STK4: variants seen among roughly 807,000 people sequenced by gnomAD.
STK4 encodes the protein serine/threonine kinase 4.
STK4 carries 30 observed loss-of-function variants against 64.9 expected under a neutral mutation model. That is an observed-to-expected ratio of 0.46 (90% CI 0.35 to 0.63). The LOEUF (loss-of-function observed/expected upper bound fraction) is 0.63, where lower values mean the gene tolerates loss of function less well. STK4 is among the 20% of genes least tolerant of loss of function. STK4 has a pLI of 0.01. For synonymous variants in STK4, 177 were observed against 199.0 expected (o/e 0.89, Z 0.93); for missense variants, 466 against 598.5 (o/e 0.78, Z 2.31).
chr20:45,053,852 T>C (rs1978308757), intron 10 of STK4, among the ~76,000 whole-genome samples: 1 of 152,206 alleles, frequency 6.6e-6, no homozygotes, highest in Admixed American at 6.5e-5. Context: ...AAGTTGGAAG[T>C]AGTTCAAATC....
At chr20:44,980,885 G>A (rs2067426118) in intron 3 of STK4, among the ~76,000 whole-genome samples, 1 of 152,048 alleles carries the variant, frequency 6.6e-6, no homozygotes, top group Non-Finnish European at 1.5e-5. Context: ...AGCCAGGATG[G>A]TCTCGATCTC....
chr20:45,075,362 G>A lies in STK4; in HGVS notation c.*186G>A, dbSNP rs111342768. 5.0e-5 allele frequency: 34 copies of A among 676,576 alleles called. No homozygotes were observed. The highest frequency in any genetic ancestry group is 3.6e-5 in the African/African-American group (2 of 55,230). 41.9% of individuals were successfully genotyped at this position (676,576 alleles called of 1,614,324 possible). A position where few individuals can be genotyped will look rare whatever the true frequency, so the allele number is the denominator to read the frequency against. On this transcript the variant is annotated 3_prime_UTR_variant, in exon 11 of 11. Coordinates refer to ENST00000372806, the MANE Select transcript of STK4 (RefSeq NM_006282.5). ...CAGCGTGCCATCTTGATGTGTGTAT[G>A]TACATTGGTCAGGTATATTATCTCA...
rs375077561 is a variant in STK4, at chr20:45,063,783, A to AG, written c.1306-11227dup. 8.9e-3 allele frequency among the ~76,000 whole-genome samples: 1,355 copies of AG among 151,548 alleles called. 77 individuals are homozygous for AG. The East Asian group carries it at 0.15, about 17-fold the overall frequency. The stretch of plus-strand genomic sequence containing the variant: ...TTGATTTTTGTGTATGATATAAGGA[A>AG]GGGGGGGGTCCAGTGTTTTTATTTA... On this transcript the variant is annotated intron_variant, in intron 10 of 10. Transcript: ENST00000372806.
intron 4 of STK4, among the ~76,000 whole-genome samples, chr20:44,982,475 A>G (rs770614853): frequency 2.0e-5 from 3 of 151,842 alleles, no homozygotes; most frequent in Non-Finnish European, 2.9e-5. Flanking sequence ...AGTGATTTTT[A>G]GCATGCTTTG....
intron 10 of STK4, among the ~76,000 whole-genome samples, chr20:45,057,694 A>C (rs1395436803): frequency 6.6e-6 from 1 of 152,182 alleles, no homozygotes; most frequent in Admixed American, 6.5e-5. Flanking sequence ...ATTTTAAAGA[A>C]CGGTTTTATA....
chr20:45,074,618 C>T (rs957042265), intron 10 of STK4, among the ~76,000 whole-genome samples: 1 of 152,062 alleles, frequency 6.6e-6, no homozygotes, highest in Non-Finnish European at 1.5e-5. Context: ...CAGATAGACG[C>T]TTATCTCGTA....
intron 5 of STK4, among the ~76,000 whole-genome samples, chr20:44,992,267 A>AT (rs35534980): frequency 0.26 from 38,183 of 148,078 alleles, 5,513 homozygotes; most frequent in Middle Eastern, 0.43. Context: ...ATTTTATTTT[A>AT]TTTTTTTTTG....
At position 44,966,597 on chromosome 20, in the gene STK4, C is replaced by T. The variant is rs1203443460; in HGVS notation, c.29C>T (p.Pro10Leu). The change falls in exon 1 of 11, where the codon CCG becomes CTG. Residue 10 changes from proline to leucine, a missense_variant. Pro to Leu is a moderately conservative substitution (Grantham distance 98). This residue lies in a region of STK4 where 190 missense variants were observed against 289.7 expected (regional missense o/e 0.66). Coordinates refer to ENST00000372806, the MANE Select transcript of STK4 (RefSeq NM_006282.5). METVQLRNP[P>L]RRQLKKLDED... ...GAGACGGTACAGCTGAGGAACCCGC[C>T]GCGCCGGTGAGGGGCCACTGGCTAA... 2.4e-6 allele frequency: 3 copies of T among 1,273,118 alleles called. No individual in the cohort carries two copies. The highest frequency in any genetic ancestry group is 3.1e-5 in the South Asian group (1 of 31,912). The allele number at this position is 1,273,118 out of a possible 1,614,324, so 78.9% of individuals were successfully genotyped here.
intron 5 of STK4, among the ~76,000 whole-genome samples, chr20:44,990,554 T>C (rs2067614258): frequency 6.6e-6 from 1 of 152,210 alleles, no homozygotes; most frequent in South Asian, 2.1e-4. Context: ...TTTAGGCCCC[T>C]CTCCGGTCTC....
intron 9 of STK4, among the ~76,000 whole-genome samples, chr20:45,008,214 C>A (rs1181947450): frequency 6.6e-6 from 1 of 152,150 alleles, no homozygotes; most frequent in African/African-American, 2.4e-5. Flanking sequence ...ACCACCACAC[C>A]AGGCTAATTT....
chr20:45,077,189 A>T lies in STK4; in HGVS notation c.*2013A>T, dbSNP rs1231326549. 1 of 152,200 alleles carries T rather than the reference A, an allele frequency of 6.6e-6. No individual in the cohort carries two copies. The highest frequency in any genetic ancestry group is 1.9e-4 in the East Asian group (1 of 5,198). 9.4% of individuals were successfully genotyped at this position (152,200 alleles called of 1,614,324 possible). A position where few individuals can be genotyped will look rare whatever the true frequency, so the allele number is the denominator to read the frequency against. On this transcript the variant is annotated 3_prime_UTR_variant, in exon 11 of 11. Coordinates refer to ENST00000372806, the MANE Select transcript of STK4 (RefSeq NM_006282.5). The stretch of plus-strand genomic sequence containing the variant: ...CACTATAGGGGGTCAATATTTACAC[A>T]AAAAAGGAAAGTCACAAGCCTGTTT...
intron 10 of STK4, among the ~76,000 whole-genome samples, chr20:45,044,494 G>C (rs1186033609): frequency 6.6e-6 from 1 of 151,840 alleles, no homozygotes; most frequent in Non-Finnish European, 1.5e-5. Context: ...AAAAATAAAA[G>C]CACATTTTAA....
At position 45,038,367 on chromosome 20, in the gene STK4, T is replaced by G. The variant is rs1308455829; in HGVS notation, c.1305+13237T>G. On this transcript the variant is annotated intron_variant, in intron 10 of 10. Coordinates refer to ENST00000372806, the MANE Select transcript of STK4 (RefSeq NM_006282.5). Reference sequence around the variant, plus strand: ...CTTTTACAAATTAGGAGTAATAAATTTCCTTAATGCCAAAAAATGCCTTGT... The same window carrying G: ...CTTTTACAAATTAGGAGTAATAAATGTCCTTAATGCCAAAAAATGCCTTGT... Among the ~76,000 whole-genome samples, 5 of 152,060 alleles carry G rather than the reference T, an allele frequency of 3.3e-5. No homozygotes were observed. The South Asian group carries it at 6.2e-4, about 19-fold the overall frequency.
chr20:45,021,536 T>G (rs1330555538), intron 9 of STK4, among the ~76,000 whole-genome samples: 1 of 152,346 alleles, frequency 6.6e-6, no homozygotes, highest in South Asian at 2.1e-4. Context: ...TGTCTGCTGT[T>G]TCTTGCCAGT....
Position 45,019,988 on chromosome 20 carries a change from G to T in STK4, c.1148-4985G>T, listed in dbSNP as rs561574168. Among the ~76,000 whole-genome samples, 6 of 152,214 alleles carry T rather than the reference G, an allele frequency of 3.9e-5. No homozygotes were observed. In the East Asian group the frequency reaches 1.2e-3, roughly 29 times the overall value. Reference sequence around the variant, plus strand: ...AAAATTACATTTCCCCACTCTTTCTGCACTTAGTTTAATGGCAGTTCTAAC... The same window carrying T: ...AAAATTACATTTCCCCACTCTTTCTTCACTTAGTTTAATGGCAGTTCTAAC... On this transcript the variant is annotated intron_variant, in intron 9 of 10. Coordinates refer to ENST00000372806, the MANE Select transcript of STK4 (RefSeq NM_006282.5).
Position 44,982,031 on chromosome 20 carries a change from A to G in STK4, c.360+88A>G, listed in dbSNP as rs1318811136. On this transcript the variant is annotated intron_variant, in intron 4 of 10. Transcript: ENST00000372806. ...CTCTTTTTCAGGGCATTCTCCTACT[A>G]GAGAGACGACTGTCAGATTTCCCCT... The G allele has an allele frequency of 1.3e-5, 11 of 819,172 alleles. No individual in the cohort carries two copies. The Admixed American group carries it at 1.8e-4, about 13-fold the overall frequency. The allele number at this position is 819,172 out of a possible 1,614,324, so 50.7% of individuals were successfully genotyped here.
intron 9 of STK4, among the ~76,000 whole-genome samples, chr20:45,019,953 G>C (rs2068213257): frequency 6.6e-6 from 1 of 152,128 alleles, no homozygotes; most frequent in Non-Finnish European, 1.5e-5. Context: ...TCAAAGATAA[G>C]GTTACTGGGA....
chr20:44,967,555 A>G (rs1489624506), intron 1 of STK4, among the ~76,000 whole-genome samples: 1 of 152,172 alleles, frequency 6.6e-6, no homozygotes, highest in African/African-American at 2.4e-5. Context: ...AAAAGTAGGG[A>G]CTAGAGACCG....
At chr20:44,978,782 T>G (rs1033488951) in intron 3 of STK4, among the ~76,000 whole-genome samples, 18 of 138,022 alleles carry the variant, frequency 1.3e-4, no homozygotes, top group African/African-American at 4.0e-4. Context: ...TGGTGTTTTG[T>G]TTTTTTTTTT....
Sources: allele counts gnomAD v4.1 joint callset (sites outside exome capture counted in the v4.1 genomes callset), GRCh38; gene constraint gnomAD v4.1.1; regional missense constraint gnomAD v4.1.1; transcripts MANE v1.5; gene names NCBI Gene and HGNC (gene_info 2026-07-23, HGNC 2026-07-21).